The following GPM6A variants were observed in gnomAD, a reference collection of about 807,000 sequenced individuals.
GPM6A encodes the protein neuronal membrane glycoprotein M6-a.
GPM6A carries 7 observed loss-of-function variants against 32.1 expected under a neutral mutation model. That is an observed-to-expected ratio of 0.22 (90% confidence interval 0.12 to 0.41). The LOEUF (loss-of-function observed/expected upper bound fraction) is 0.41, where lower values mean the gene tolerates loss of function less well. Among genes scored for constraint, GPM6A ranks in the 10% least tolerant of loss-of-function variants. The pLI is 1.00. For synonymous variants in GPM6A, 130 were observed against 123.4 expected (o/e 1.05, Z -0.35); for missense variants, 235 against 347.2 (o/e 0.68, Z 2.57).
At chr4:175,914,147 G>GA (rs917268143) in intron 1 of GPM6A, among the ~76,000 whole-genome samples, 211 of 147,830 alleles carry the variant, frequency 1.4e-3, no homozygotes, top group African/African-American at 4.7e-3. Flanking sequence ...AAGAGAAAAG[G>GA]AAAAAAAAAT....
At chr4:175,761,527 G>A (rs1014683361) in intron 1 of GPM6A, among the ~76,000 whole-genome samples, 1 of 152,028 alleles carries the variant, frequency 6.6e-6, no homozygotes, top group Non-Finnish European at 1.5e-5. Context: ...ATTTCAAATA[G>A]ACATTGACCC....
At chr4:175,968,893 A>T (rs1740412878) in intron 1 of GPM6A, among the ~76,000 whole-genome samples, 1 of 152,182 alleles carries the variant, frequency 6.6e-6, no homozygotes, top group Non-Finnish European at 1.5e-5. Context: ...TAAAACTAAA[A>T]ATACATTTGG....
At chr4:175,823,979 T>C (rs538578559) in intron 1 of GPM6A, among the ~76,000 whole-genome samples, 2 of 152,310 alleles carry the variant, frequency 1.3e-5, no homozygotes, top group South Asian at 4.1e-4. Flanking sequence ...TTTTACACAT[T>C]GTTCCTTTTT....
chr4:175,682,366 A>G (rs1408929765), intron 2 of GPM6A, among the ~76,000 whole-genome samples: 1 of 152,158 alleles, frequency 6.6e-6, no homozygotes, highest in Non-Finnish European at 1.5e-5. Context: ...GGGAATTTAC[A>G]GCCTGACCAT....
intron 1 of GPM6A, among the ~76,000 whole-genome samples, chr4:175,746,328 C>T (rs906933680): frequency 1.3e-5 from 2 of 152,072 alleles, no homozygotes; most frequent in African/African-American, 2.4e-5. Flanking sequence ...TTTGTTAATT[C>T]TGTAGTAAAA....
chr4:175,758,984 G>A (rs1377948510), intron 1 of GPM6A, among the ~76,000 whole-genome samples: 1 of 152,134 alleles, frequency 6.6e-6, no homozygotes, highest in Non-Finnish European at 1.5e-5. Flanking sequence ...GACCTCAGCT[G>A]TTTTCAGTGT....
chr4:175,642,780 T>A (rs1449571487), intron 4 of GPM6A, among the ~76,000 whole-genome samples: 1 of 152,148 alleles, frequency 6.6e-6, no homozygotes, highest in Admixed American at 6.5e-5. Context: ...ATTTAAATAC[T>A]GTCAACAACT....
intron 1 of GPM6A, among the ~76,000 whole-genome samples, chr4:175,841,137 A>G (rs888870606): frequency 2.0e-5 from 3 of 152,202 alleles, no homozygotes; most frequent in Non-Finnish European, 4.4e-5. Context: ...CTAAATTATG[A>G]AGGAATATGT....
At chr4:175,897,102 G>A (rs1473554339) in intron 1 of GPM6A, among the ~76,000 whole-genome samples, 2 of 152,118 alleles carry the variant, frequency 1.3e-5, no homozygotes, top group African/African-American at 4.8e-5. Flanking sequence ...GGGGACAGAA[G>A]AGCCAAGAAG....
intron 1 of GPM6A, among the ~76,000 whole-genome samples, chr4:175,960,589 C>A (rs909985768): frequency 1.3e-5 from 2 of 152,140 alleles, no homozygotes; most frequent in African/African-American, 4.8e-5. Context: ...TCTCCGCCAT[C>A]CCCCAACCCT....
Position 175,634,653 on chromosome 4 carries a change from G to C in GPM6A, c.*252C>G, listed in dbSNP as rs971900216. 2.5e-6 allele frequency: 1 copy of C among 401,976 alleles called. No individual in the cohort carries two copies. Among genetic ancestry groups the C allele is most frequent in the African/African-American group, 2.1e-5 (1 of 48,712 alleles). 24.9% of individuals were successfully genotyped at this position (401,976 alleles called of 1,614,324 possible). On this transcript the variant is annotated 3_prime_UTR_variant, in exon 7 of 7. Coordinates refer to ENST00000393658, the MANE Select transcript of GPM6A (RefSeq NM_201591.3). ...TAGTATCTTTGATTTTACAGAACTA[G>C]TAAATGAGTTTGAGAAATTTCAAAA...
chr4:175,927,350 A>C (rs1367521494), intron 1 of GPM6A, among the ~76,000 whole-genome samples: 1 of 152,276 alleles, frequency 6.6e-6, no homozygotes, highest in African/African-American at 2.4e-5. Flanking sequence ...TGTTTTCACT[A>C]TAAACAGAAG....
At chr4:175,996,211 C>T (rs756135839) in intron 1 of GPM6A, among the ~76,000 whole-genome samples, 21 of 152,090 alleles carry the variant, frequency 1.4e-4, no homozygotes, top group Admixed American at 3.3e-4. Context: ...TTTGTAATCA[C>T]AGAGACAGCT....
chr4:175,772,201 C>T (rs2111234547), intron 1 of GPM6A, among the ~76,000 whole-genome samples: 1 of 152,254 alleles, frequency 6.6e-6, no homozygotes, highest in South Asian at 2.1e-4. Flanking sequence ...ATCTGTCAAT[C>T]ACAATTTATT....
upstream of GPM6A, among the ~76,000 whole-genome samples, chr4:175,813,523 G>T (rs1186824196): frequency 1.3e-5 from 2 of 151,720 alleles, no homozygotes; most frequent in African/African-American, 4.8e-5. Flanking sequence ...CACACACAGG[G>T]ACAGAAACAC....
intron 3 of GPM6A, among the ~76,000 whole-genome samples, chr4:175,656,300 C>T (rs1375566403): frequency 4.6e-5 from 7 of 152,002 alleles, no homozygotes. Flanking sequence ...ATTCCATTAT[C>T]CCATAATCAT....
At chr4:175,948,366 A>G (rs1388342275) in intron 1 of GPM6A, among the ~76,000 whole-genome samples, 4 of 152,220 alleles carry the variant, frequency 2.6e-5, no homozygotes, top group Non-Finnish European at 4.4e-5. Flanking sequence ...ATAGAAGAAT[A>G]CAATGAGAAG....
At chr4:175,905,426 T>C (rs1344009108) in intron 1 of GPM6A, among the ~76,000 whole-genome samples, 1 of 152,074 alleles carries the variant, frequency 6.6e-6, no homozygotes, top group Non-Finnish European at 1.5e-5. Flanking sequence ...GTTAGTGTAT[T>C]TTATGTGTGG....
chr4:175,665,261 A>G (rs1341786395), intron 3 of GPM6A, among the ~76,000 whole-genome samples: 2 of 151,994 alleles, frequency 1.3e-5, no homozygotes, highest in Non-Finnish European at 2.9e-5. Flanking sequence ...ATGTTCATCA[A>G]TATGTATAGC....
Sources: allele counts gnomAD v4.1 joint callset (sites outside exome capture counted in the v4.1 genomes callset), GRCh38; gene constraint gnomAD v4.1.1; transcripts MANE v1.5; gene names NCBI Gene and HGNC (gene_info 2026-07-23, HGNC 2026-07-21).